Variants in ZNF580 observed in about 807,000 individuals in gnomAD.
ZNF580 encodes the protein zinc finger protein 580, also known as LDL-induced EC protein.
A neutral mutation model predicts 1.3 loss-of-function variants in ZNF580; 1 was observed. The ratio of observed to expected loss-of-function variants is 0.77; its 90% CI spans 0.27 to 3.65. ZNF580 has a LOEUF of 3.65. Ranked by LOEUF, ZNF580 falls within the 30% of genes most tolerant of loss-of-function variation. ZNF580 has a pLI of 0.19. For synonymous variants in ZNF580, 135 were observed against 128.8 expected, an observed-to-expected ratio of 1.05 and a Z score of -0.32; for missense variants, 268 against 272.3, an observed-to-expected ratio of 0.98 and a Z score of 0.11.
chr19:55,643,111 C>T lies in ZNF580; in HGVS notation c.*84C>T, dbSNP rs1359848290. Reference sequence around the variant, plus strand: ...CAGCGTCACTCACTCCCACACACACCCCCTGGCTCTGCTGAGGTTACTGCC... The same window carrying T: ...CAGCGTCACTCACTCCCACACACACTCCCTGGCTCTGCTGAGGTTACTGCC... On this transcript the variant is annotated 3_prime_UTR_variant, in exon 2 of 2. Transcript: ENST00000325333. 2 of 1,306,162 alleles carry T rather than the reference C, an allele frequency of 1.5e-6. No homozygotes were observed. The highest frequency in any genetic ancestry group is 2.0e-6 in the Non-Finnish European group (2 of 1,022,780). 80.9% of individuals were successfully genotyped at this position (1,306,162 alleles called of 1,614,324 possible).
In ZNF580 at chr19:55,641,149, C is replaced by T; in HGVS notation, c.-47C>T. On this transcript the variant is annotated 5_prime_UTR_variant, in exon 1 of 2. Coordinates refer to ENST00000325333, the MANE Select transcript of ZNF580 (RefSeq NM_207115.2). Reference sequence around the variant, plus strand: ...AGCCCGGGGCCGCCCGGGACCTCGGCCCGTTCCTCCGGACCCGAGAGGCCG... The same window carrying T: ...AGCCCGGGGCCGCCCGGGACCTCGGTCCGTTCCTCCGGACCCGAGAGGCCG... 2.0e-6 allele frequency: 2 copies of T among 985,418 alleles called. No homozygotes were observed. The highest frequency in any genetic ancestry group is 2.4e-6 in the Non-Finnish European group (2 of 829,946). 61.0% of individuals were successfully genotyped at this position (985,418 alleles called of 1,614,324 possible).
Position 55,642,532 on chromosome 19 carries a change from AC to A in ZNF580, c.28del (p.His10ThrfsTer181), listed in dbSNP as rs1411408241. ...AGATGCTGCTGCTGCCGCCGCGGCC[AC>A]CCCACCCTCGGTCCTCCTCTCCGGA... The part of the protein sequence containing the change: MLLLPPRP[P>X]HPRSSSPEAM... On this transcript the variant is annotated frameshift_variant, in exon 2 of 2. Transcript: ENST00000325333. LOFTEE classifies it low-confidence loss of function (END_TRUNC). The A allele has an allele frequency of 1.4e-6, 2 of 1,433,342 alleles. No individual in the cohort carries two copies. The highest frequency in any genetic ancestry group is 1.6e-5 in the South Asian group (1 of 61,354). 88.8% of individuals were successfully genotyped at this position (1,433,342 alleles called of 1,614,324 possible).
In ZNF580 at chr19:55,642,728, C is replaced by A; in HGVS notation, c.220C>A (p.Arg74=). The change falls in exon 2 of 2, where the codon CGG becomes AGG. Residue 74 remains arginine (R), a synonymous_variant. Coordinates refer to ENST00000325333, the MANE Select transcript of ZNF580 (RefSeq NM_207115.2). ...CACGGTGCAGCTGGAGGAGGAGCCC[C>A]GGGGCCCGCCCCAGCGCGAGGCGCC... The part of the protein sequence containing the change: ...TYTVQLEEEP[R]GPPQREAPPG... 6.6e-7 allele frequency: 1 copy of A among 1,512,880 alleles called. No homozygotes were observed. The highest frequency in any genetic ancestry group is 1.2e-5 in the South Asian group (1 of 80,946). 93.7% of individuals were successfully genotyped at this position (1,512,880 alleles called of 1,614,324 possible).
Position 55,643,263 on chromosome 19 carries a change from T to G in ZNF580, c.*236T>G. The stretch of plus-strand genomic sequence containing the variant: ...CCTGGGCCTGGGAACCAGTCGGAAC[T>G]GGGTTCCAGTCCAGCTGTGCTGTGT... On this transcript the variant is annotated 3_prime_UTR_variant, in exon 2 of 2. Coordinates refer to ENST00000325333, the MANE Select transcript of ZNF580 (RefSeq NM_207115.2). 1.9e-6 allele frequency: 1 copy of G among 540,186 alleles called. No individual in the cohort carries two copies. Among genetic ancestry groups the G allele is most frequent in the Non-Finnish European group, 2.9e-6 (1 of 341,098 alleles). 33.5% of individuals were successfully genotyped at this position (540,186 alleles called of 1,614,324 possible). A position where few individuals can be genotyped will look rare whatever the true frequency, so the allele number is the denominator to read the frequency against.
chr19:55,642,154 C>G, intron 1 of ZNF580: 1 of 1,056,308 alleles, frequency 9.5e-7, no homozygotes, highest in Non-Finnish European at 1.1e-6. Flanking sequence ...AAGAGGTAAA[C>G]AGATTTAGGG....
chr19:55,642,089 G>T (rs1273134319), intron 1 of ZNF580: 1 of 993,220 alleles, frequency 1.0e-6, no homozygotes, highest in African/African-American at 1.7e-5. Context: ...GAAAAAAGAA[G>T]AAACCACAGA....
At position 55,643,380 on chromosome 19, in the gene ZNF580, A is replaced by C; in HGVS notation, c.*353A>C. Reference sequence around the variant, plus strand: ...GGTTGTCTGCGGGGAAGAGATGATAAAGAGCACGGGCACGGTCTGGTTCAT... The same window carrying C: ...GGTTGTCTGCGGGGAAGAGATGATACAGAGCACGGGCACGGTCTGGTTCAT... On this transcript the variant is annotated 3_prime_UTR_variant, in exon 2 of 2. Coordinates refer to ENST00000325333, the MANE Select transcript of ZNF580 (RefSeq NM_207115.2). 4 of 264,804 alleles carry C rather than the reference A, an allele frequency of 1.5e-5. No homozygotes were observed. The highest frequency in any genetic ancestry group is 1.7e-4 in the South Asian group (1 of 6,018). 16.4% of individuals were successfully genotyped at this position (264,804 alleles called of 1,614,324 possible). A position where few individuals can be genotyped will look rare whatever the true frequency, so the allele number is the denominator to read the frequency against.
In ZNF580 at chr19:55,641,203, G is replaced by GGGA; in HGVS notation, c.-13+25_-13+27dup. On this transcript the variant is annotated intron_variant, in intron 1 of 1. Coordinates refer to ENST00000325333, the MANE Select transcript of ZNF580 (RefSeq NM_207115.2). Reference sequence around the variant, plus strand: ...CACGGGGTACGGGGGCCGGGATGGAGGGAGGAGCCTGGCCCTGGGACGACG... The same window carrying GGGA: ...CACGGGGTACGGGGGCCGGGATGGAGGGAGGAGGAGCCTGGCCCTGGGACGACG... 1 of 984,798 alleles carries GGGA rather than the reference G, an allele frequency of 1.0e-6. No homozygotes were observed. The allele number at this position is 984,798 out of a possible 1,614,324, so 61.0% of individuals were successfully genotyped here.
Position 55,643,158 on chromosome 19 carries a change from C to T in ZNF580, c.*131C>T, listed in dbSNP as rs1160076803. 4.0e-6 allele frequency: 5 copies of T among 1,245,350 alleles called. No homozygotes were observed. The highest frequency in any genetic ancestry group is 1.6e-5 in the African/African-American group (1 of 63,702). 77.1% of individuals were successfully genotyped at this position (1,245,350 alleles called of 1,614,324 possible). A position where few individuals can be genotyped will look rare whatever the true frequency, so the allele number is the denominator to read the frequency against. ...TGCCTTACCCTGGGCCTCAGTTTCCCCACCTTCCAAAGGGAGGAGCATCAT... is the reference window on the plus strand; with the variant it reads ...TGCCTTACCCTGGGCCTCAGTTTCCTCACCTTCCAAAGGGAGGAGCATCAT... On this transcript the variant is annotated 3_prime_UTR_variant, in exon 2 of 2. Coordinates refer to ENST00000325333, the MANE Select transcript of ZNF580 (RefSeq NM_207115.2).
rs138742547 is a variant in ZNF580 at position 55,642,524 on chromosome 19, C to T, written c.16C>T (p.Pro6Ser). The change falls in exon 2 of 2, where the codon CCG becomes TCG. Residue 6 changes from proline to serine, a missense_variant. Physicochemically the swap from Pro to Ser is moderately conservative, Grantham distance 74 (BLOSUM62 -1). Transcript: ENST00000325333. MLLLP[P>S]RPPHPRSSSP... Reference sequence around the variant, plus strand: ...GCCGCTCCAGATGCTGCTGCTGCCGCCGCGGCCACCCCACCCTCGGTCCTC... The same window carrying T: ...GCCGCTCCAGATGCTGCTGCTGCCGTCGCGGCCACCCCACCCTCGGTCCTC... The T allele has an allele frequency of 1.8e-3, 2,618 of 1,440,376 alleles. 5 individuals carry two copies. Among genetic ancestry groups the T allele is most frequent in the Non-Finnish European group, 2.2e-3 (2,390 of 1,099,418 alleles). 89.2% of individuals were successfully genotyped at this position (1,440,376 alleles called of 1,614,324 possible). A position where few individuals can be genotyped will look rare whatever the true frequency, so the allele number is the denominator to read the frequency against.
intron 1 of ZNF580, 154 bp from the exon 2 acceptor site, chr19:55,642,343 G>A (rs986084195): frequency 1.1e-5 from 14 of 1,265,834 alleles, no homozygotes; most frequent in Non-Finnish European, 1.4e-5. Flanking sequence ...ACGTGGGAGA[G>A]CCGGGCTGGA....
At chr19:55,642,021 G>C (rs1389222736) in intron 1 of ZNF580, 11 of 983,310 alleles carry the variant, frequency 1.1e-5, no homozygotes, top group South Asian at 4.8e-5. Context: ...GGGGGCCGGT[G>C]GGGGGGTAGG....
rs753675666 is a variant in ZNF580 at position 55,642,545 on chromosome 19, T to C, written c.37T>C (p.Ser13Pro). 6.9e-7 allele frequency: 1 copy of C among 1,447,372 alleles called. No individual in the cohort carries two copies. The highest frequency in any genetic ancestry group is 9.1e-7 in the Non-Finnish European group (1 of 1,102,774). The allele number at this position is 1,447,372 out of a possible 1,614,324, so 89.7% of individuals were successfully genotyped here. ...GCCGCCGCGGCCACCCCACCCTCGG[T>C]CCTCCTCTCCGGAGGCCATGGACCC... ...LLPPRPPHPRSSSPEAMDPPP... is the reference protein window; with the variant it reads ...LLPPRPPHPRPSSPEAMDPPP... The change falls in exon 2 of 2, where the codon TCC (serine) becomes CCC (proline). Residue 13 changes from serine (S) to proline (P), a missense_variant. Physicochemically the swap from Ser to Pro is moderately conservative, Grantham distance 74 (BLOSUM62 -1). Coordinates refer to ENST00000325333, the MANE Select transcript of ZNF580 (RefSeq NM_207115.2).
intron 1 of ZNF580, 91 bp downstream of exon 1, chr19:55,641,274 G>A: frequency 1.2e-6 from 1 of 802,678 alleles, no homozygotes; most frequent in Non-Finnish European, 1.5e-6. Flanking sequence ...CACCCGGGAT[G>A]GGGGTGGGGG....
Position 55,643,321 on chromosome 19 carries a change from C to T in ZNF580, c.*294C>T, listed in dbSNP as rs1051861283. The T allele has an allele frequency of 1.0e-5, 4 of 381,318 alleles. No individual in the cohort carries two copies. Among genetic ancestry groups the T allele is most frequent in the Non-Finnish European group, 1.9e-5 (4 of 207,896 alleles). The allele number at this position is 381,318 out of a possible 1,614,324, so 23.6% of individuals were successfully genotyped here. Reference sequence around the variant, plus strand: ...TGCAAGTGACATGACCTCTCTAAACCTTGGTTTTCTGCTCTCTGGAGCGGT... The same window carrying T: ...TGCAAGTGACATGACCTCTCTAAACTTTGGTTTTCTGCTCTCTGGAGCGGT... On this transcript the variant is annotated 3_prime_UTR_variant, in exon 2 of 2. Transcript: ENST00000325333.
rs1454613747 is a variant in ZNF580 at position 55,641,028 on chromosome 19, C to T, written c.-168C>T. The stretch of plus-strand genomic sequence containing the variant: ...CCTTTTCCCAGGGACTCCGCCAACC[C>T]CTCGCACCCCCGCGCCCCCAGTCCC... On this transcript the variant is annotated 5_prime_UTR_variant, in exon 1 of 2. Coordinates refer to ENST00000325333, the MANE Select transcript of ZNF580 (RefSeq NM_207115.2). 5.1e-6 allele frequency: 5 copies of T among 985,338 alleles called. No homozygotes were observed. The highest frequency in any genetic ancestry group is 6.0e-6 in the Non-Finnish European group (5 of 829,916). 61.0% of individuals were successfully genotyped at this position (985,338 alleles called of 1,614,324 possible). A position where few individuals can be genotyped will look rare whatever the true frequency, so the allele number is the denominator to read the frequency against.
In ZNF580 at chr19:55,641,155, C is replaced by G; in HGVS notation, c.-41C>G. On this transcript the variant is annotated 5_prime_UTR_variant, in exon 1 of 2. Transcript: ENST00000325333. ...GGGCCGCCCGGGACCTCGGCCCGTT[C>G]CTCCGGACCCGAGAGGCCGCCGCAC... is the stretch of plus-strand genomic sequence containing the variant. 2.0e-6 allele frequency: 2 copies of G among 985,412 alleles called. No individual in the cohort carries two copies. The highest frequency in any genetic ancestry group is 4.7e-5 in the South Asian group (1 of 21,290). The allele number at this position is 985,412 out of a possible 1,614,324, so 61.0% of individuals were successfully genotyped here.
At chr19:55,642,373 T>C (rs1482379788) in intron 1 of ZNF580, 124 bp from the exon 2 acceptor site, 13 of 1,291,154 alleles carry the variant, frequency 1.0e-5, no homozygotes, top group Non-Finnish European at 1.2e-5. Context: ...TTTATTTTGC[T>C]AGGGAGGTAG....
chr19:55,642,986 C>G lies in ZNF580; in HGVS notation c.478C>G (p.Gln160Glu). The change falls in exon 2 of 2, where the codon CAG (glutamine) becomes GAG (glutamate). Residue 160 changes from glutamine (Q) to glutamate (E), a missense_variant. Physicochemically the swap from Gln to Glu is conservative, Grantham distance 29. Transcript: ENST00000325333. Reference sequence around the variant, plus strand: ...CTGCCCGCTCTGCCCACGCCGCTTCCAGGACGCCGCGGAGCTGGCGCAGCA... The same window carrying G: ...CTGCCCGCTCTGCCCACGCCGCTTCGAGGACGCCGCGGAGCTGGCGCAGCA... ...HTCPLCPRRFQDAAELAQHVR... is the reference protein window; with the variant it reads ...HTCPLCPRRFEDAAELAQHVR... The G allele has an allele frequency of 7.3e-7, 1 of 1,373,752 alleles. No individual in the cohort carries two copies. The highest frequency in any genetic ancestry group is 3.0e-5 in the East Asian group (1 of 33,096). 85.1% of individuals were successfully genotyped at this position (1,373,752 alleles called of 1,614,324 possible).
Sources: gnomAD v4.1 joint callset for allele counts on GRCh38, gnomAD v4.1.1 for gene constraint, MANE v1.5 for transcripts, NCBI Gene and HGNC (gene_info 2026-07-23, HGNC 2026-07-21) for gene names.